Variants in PTPRT observed in about 807,000 individuals in gnomAD.
PTPRT encodes the protein receptor-type tyrosine-protein phosphatase T.
Under a neutral mutation model 176.8 loss-of-function variants are expected in PTPRT, and 56 were observed. That is an observed-to-expected ratio of 0.32 (90% CI 0.26 to 0.40). The LOEUF is 0.40. Among genes scored for constraint, PTPRT ranks in the 10% least tolerant of loss-of-function variants. The probability of loss-of-function intolerance (pLI) is 1.00; values close to 1 mark genes in which losing one functional copy is unlikely to be tolerated. For missense variants in PTPRT, 1,540 were observed against 1,908.2 expected (o/e 0.81, Z 3.60); for synonymous variants, 783 against 739.0 (o/e 1.06, Z -0.96).
chr20:42,831,668 TAA>T (rs1217328857), intron 2 of PTPRT, among the ~76,000 whole-genome samples: 1 of 152,096 alleles, frequency 6.6e-6, no homozygotes, highest in Non-Finnish European at 1.5e-5. Context: ...ATAAGGAACT[TAA>T]ACACATTTAT....
At chr20:42,333,846 A>G (rs930957696) in intron 11 of PTPRT, among the ~76,000 whole-genome samples, 3 of 151,742 alleles carry the variant, frequency 2.0e-5, no homozygotes, top group African/African-American at 4.8e-5. Context: ...ACACCTGGCT[A>G]ATGTTTGTAT....
intron 1 of PTPRT, among the ~76,000 whole-genome samples, chr20:42,934,687 T>C (rs1240993237): frequency 6.6e-6 from 1 of 152,190 alleles, no homozygotes; most frequent in Non-Finnish European, 1.5e-5. Context: ...AGTGTCGCTA[T>C]AGAGTGTCTC....
rs554184946 is a variant in PTPRT, at chr20:42,258,493, T to C, written c.2177-9671A>G. Among the ~76,000 whole-genome samples the C allele has an allele frequency of 3.3e-5, 5 of 152,340 alleles. No homozygotes were observed. The East Asian group carries it at 9.6e-4, about 29-fold the overall frequency. ...TTCTATATAATACCTTTATTGATAT[T>C]TAGCAAACAAACCATCCCATATAAT... On this transcript the variant is annotated intron_variant, in intron 13 of 30. Transcript: ENST00000373187.
chr20:42,316,560 GCTCTT>G (rs1166244345), intron 11 of PTPRT, among the ~76,000 whole-genome samples: 3 of 152,096 alleles, frequency 2.0e-5, no homozygotes, highest in African/African-American at 4.8e-5. Flanking sequence ...TAATCATATA[GCTCTT>G]CAAACACTTT....
Position 42,791,279 on chromosome 20 carries a change from A to C in PTPRT, c.402T>G (p.Pro134=). Residue 134 remains proline, a synonymous_variant, in exon 3 of 31, where the codon CCT becomes CCG. Coordinates refer to ENST00000373187, the MANE Select transcript of PTPRT (RefSeq NM_007050.6). Reference sequence around the variant, plus strand: ...TGACGACCCCGGACACATTCCACACAGGGTTCCCTTGGGGGCCACCATTCA... The same window carrying C: ...TGACGACCCCGGACACATTCCACACCGGGTTCCCTTGGGGGCCACCATTCA... The part of the protein sequence containing the change: ...VKVNGGPQGN[P]VWNVSGVVTE... 6.2e-7 allele frequency: 1 copy of C among 1,614,150 alleles called. No individual in the cohort carries two copies. The highest frequency in any genetic ancestry group is 1.1e-5 in the South Asian group (1 of 91,072).
At chr20:42,881,291 T>G (rs994241944) in intron 2 of PTPRT, among the ~76,000 whole-genome samples, 3 of 152,204 alleles carry the variant, frequency 2.0e-5, no homozygotes, top group Non-Finnish European at 2.9e-5. Flanking sequence ...TGGAATACAC[T>G]GACTTGCAAA....
chr20:42,495,875 G>A (rs1227648935), intron 7 of PTPRT, among the ~76,000 whole-genome samples: 1 of 152,090 alleles, frequency 6.6e-6, no homozygotes, highest in Non-Finnish European at 1.5e-5. Flanking sequence ...TAATGCAAGG[G>A]TTAGAGGTGC....
intron 6 of PTPRT, among the ~76,000 whole-genome samples, chr20:42,682,843 C>G (rs1324333019): frequency 6.6e-6 from 1 of 152,218 alleles, no homozygotes; most frequent in African/African-American, 2.4e-5. Context: ...ACAATTCTGT[C>G]TTTCTTTTCC....
At chr20:42,150,336 C>G (rs1264779133) in intron 17 of PTPRT, among the ~76,000 whole-genome samples, 1 of 152,098 alleles carries the variant, frequency 6.6e-6, no homozygotes, top group Non-Finnish European at 1.5e-5. Flanking sequence ...TGACTGTATC[C>G]CTGGAGATAA....
At chr20:43,030,438 T>A (rs1986094727) in intron 1 of PTPRT, among the ~76,000 whole-genome samples, 2 of 151,680 alleles carry the variant, frequency 1.3e-5, no homozygotes, top group African/African-American at 4.8e-5. Flanking sequence ...AGATCAGGGG[T>A]TTGGTTGGCA....
chr20:42,948,160 T>C (rs1468305700), intron 1 of PTPRT, among the ~76,000 whole-genome samples: 1 of 152,202 alleles, frequency 6.6e-6, no homozygotes, highest in Non-Finnish European at 1.5e-5. Flanking sequence ...CTCTTTATGG[T>C]GTCTGCTTCC....
At chr20:42,182,907 G>GGTGGGTGTGT (rs1990581733) in intron 16 of PTPRT, among the ~76,000 whole-genome samples, 1 of 144,606 alleles carries the variant, frequency 6.9e-6, no homozygotes, top group South Asian at 2.3e-4. Context: ...TACAAGCAGG[G>GGTGGGTGTGT]GTGTGTGTGT....
Position 42,833,117 on chromosome 20 carries a change from A to C in PTPRT, c.215-41651T>G, listed in dbSNP as rs375790688. Reference sequence around the variant, plus strand: ...AGAAAGAAAAAAATATACGAGAGAAAACTGAGAATATGTTATCAAAGAAAT... The same window carrying C: ...AGAAAGAAAAAAATATACGAGAGAACACTGAGAATATGTTATCAAAGAAAT... On this transcript the variant is annotated intron_variant, in intron 2 of 30. Transcript: ENST00000373187. Among the ~76,000 whole-genome samples the C allele has an allele frequency of 3.6e-4, 55 of 152,202 alleles. No homozygotes were observed. The East Asian group carries it at 9.7e-3, about 27-fold the overall frequency.
chr20:42,982,946 G>A (rs1983366303), intron 1 of PTPRT, among the ~76,000 whole-genome samples: 2 of 152,168 alleles, frequency 1.3e-5, no homozygotes. Context: ...ATACCTTACG[G>A]GCATTAGACG....
intron 6 of PTPRT, among the ~76,000 whole-genome samples, chr20:42,717,174 C>T (rs1850316746): frequency 8.9e-6 from 1 of 112,590 alleles, no homozygotes; most frequent in Admixed American, 1.1e-4. Context: ...TACCCTAAAA[C>T]TTAAAGTATA....
chr20:42,392,000 G>T (rs907477775), intron 9 of PTPRT, among the ~76,000 whole-genome samples: 5 of 152,076 alleles, frequency 3.3e-5, no homozygotes, highest in African/African-American at 1.2e-4. Context: ...GGCCAGAGAG[G>T]GGTGCACTGT....
At chr20:42,909,432 T>C (rs1351095155) in intron 1 of PTPRT, among the ~76,000 whole-genome samples, 1 of 152,194 alleles carries the variant, frequency 6.6e-6, no homozygotes, top group Non-Finnish European at 1.5e-5. Flanking sequence ...AAAATTATCT[T>C]ACTTCTAATC....
chr20:42,449,131 G>T (rs2070782872), intron 8 of PTPRT, among the ~76,000 whole-genome samples: 1 of 152,154 alleles, frequency 6.6e-6, no homozygotes, highest in Non-Finnish European at 1.5e-5. Context: ...GAACTATGTG[G>T]CTTGAAACCC....
intron 8 of PTPRT, among the ~76,000 whole-genome samples, chr20:42,453,112 A>C (rs1020130523): frequency 1.4e-4 from 22 of 152,132 alleles, no homozygotes; most frequent in African/African-American, 5.3e-4. Context: ...AACAAGTCTT[A>C]TTCTTCTTTT....
Sources: allele counts gnomAD v4.1 joint callset (sites outside exome capture counted in the v4.1 genomes callset), GRCh38; gene constraint gnomAD v4.1.1; transcripts MANE v1.5; gene names NCBI Gene and HGNC (gene_info 2026-07-23, HGNC 2026-07-21).